Variants in SLC2A13 observed in about 807,000 individuals in gnomAD.
The protein encoded by SLC2A13 is solute carrier family 2 member 13.
SLC2A13 carries 32 observed loss-of-function variants against 64.4 expected under a neutral mutation model. The ratio of observed to expected loss-of-function variants is 0.50; its 90% CI spans 0.37 to 0.67. The LOEUF (loss-of-function observed/expected upper bound fraction) is 0.67, where lower values mean the gene tolerates loss of function less well. Ranked by LOEUF, SLC2A13 falls within the 30% of genes least tolerant of loss-of-function variation. SLC2A13 has a pLI of 0.00. For synonymous variants in SLC2A13, 338 were observed against 327.1 expected, an observed-to-expected ratio of 1.03 and a Z score of -0.36; for missense variants, 743 against 829.2, an observed-to-expected ratio of 0.90 and a Z score of 1.28.
At chr12:39,845,458 A>C (rs2135883255) in intron 6 of SLC2A13, among the ~76,000 whole-genome samples, 1 of 152,302 alleles carries the variant, frequency 6.6e-6, no homozygotes, top group South Asian at 2.1e-4. Context: ...AATCAAAGGA[A>C]GAAACACATT....
At chr12:39,876,546 A>G (rs996230716) in intron 4 of SLC2A13, among the ~76,000 whole-genome samples, 43 of 152,202 alleles carry the variant, frequency 2.8e-4, no homozygotes, top group African/African-American at 9.9e-4. Flanking sequence ...ATTAAAAAAC[A>G]CCTGATAGAC....
Position 39,821,134 on chromosome 12 carries a change from T to G in SLC2A13, c.1445+8969A>C, listed in dbSNP as rs575939041. On this transcript the variant is annotated intron_variant, in intron 7 of 9. Transcript: ENST00000280871. The stretch of plus-strand genomic sequence containing the variant: ...AGTTCCTTTTATAACTCAAAAAAAA[T>G]TTTTCGCAGTGGCTCACGCCTGTAA... Among the ~76,000 whole-genome samples, 6 of 152,144 alleles carry G rather than the reference T, an allele frequency of 3.9e-5. No homozygotes were observed. In the East Asian group the frequency reaches 1.2e-3, roughly 29 times the overall value.
At chr12:39,786,892 C>A (rs1297465699) in intron 7 of SLC2A13, among the ~76,000 whole-genome samples, 1 of 152,174 alleles carries the variant, frequency 6.6e-6, no homozygotes, top group Non-Finnish European at 1.5e-5. Flanking sequence ...AGTTCTTTGT[C>A]CACTTACCTT....
intron 3 of SLC2A13, among the ~76,000 whole-genome samples, chr12:40,022,898 A>G (rs893332281): frequency 9.9e-5 from 15 of 152,140 alleles, no homozygotes; most frequent in East Asian, 9.6e-4. Flanking sequence ...CCCCCCCCAA[A>G]AAAAGCCATT....
chr12:39,922,454 A>T (rs1362531531), intron 4 of SLC2A13, among the ~76,000 whole-genome samples: 3 of 152,218 alleles, frequency 2.0e-5, no homozygotes, highest in Non-Finnish European at 4.4e-5. Context: ...ATAAGGCACC[A>T]GTTTAAGAAC....
At chr12:39,960,594 G>A (rs1220492101) in intron 3 of SLC2A13, among the ~76,000 whole-genome samples, 1 of 152,084 alleles carries the variant, frequency 6.6e-6, no homozygotes, top group Non-Finnish European at 1.5e-5. Flanking sequence ...TGGCCAGGCT[G>A]GTCTCGAACT....
chr12:39,876,112 C>G (rs960121256), intron 4 of SLC2A13, among the ~76,000 whole-genome samples: 1 of 152,196 alleles, frequency 6.6e-6, no homozygotes, highest in Non-Finnish European at 1.5e-5. Flanking sequence ...CTTTGGTCAT[C>G]TCACACATAC....
Position 39,883,202 on chromosome 12 carries a change from G to A in SLC2A13, c.1035-11241C>T, listed in dbSNP as rs1227242871. On this transcript the variant is annotated intron_variant, in intron 4 of 9. Coordinates refer to ENST00000280871, the MANE Select transcript of SLC2A13 (RefSeq NM_052885.4). ...TAAGAAAGCATTCAAACAATCCAAA[G>A]GATTAAAGAAATTTTTTTTAAAAAA... 3.3e-5 allele frequency among the ~76,000 whole-genome samples: 5 copies of A among 152,084 alleles called. No individual in the cohort carries two copies. In the East Asian group the frequency reaches 5.8e-4, roughly 18 times the overall value.
intron 1 of SLC2A13, among the ~76,000 whole-genome samples, chr12:40,082,067 G>A (rs1024971407): frequency 1.3e-5 from 2 of 152,112 alleles, no homozygotes; most frequent in Non-Finnish European, 2.9e-5. Flanking sequence ...AAGGGGCTGA[G>A]GTGTTCCCAG....
At chr12:39,793,771 C>A (rs1941482906) in intron 7 of SLC2A13, among the ~76,000 whole-genome samples, 1 of 152,120 alleles carries the variant, frequency 6.6e-6, no homozygotes, top group South Asian at 2.1e-4. Flanking sequence ...AGGAATCCCT[C>A]CCATGAAATG....
intron 1 of SLC2A13, among the ~76,000 whole-genome samples, chr12:40,081,856 C>A (rs185869124): frequency 6.6e-6 from 1 of 152,142 alleles, no homozygotes; most frequent in Admixed American, 6.5e-5. Context: ...GGGCTTTTTG[C>A]TTTTTATATT....
chr12:40,011,464 A>G (rs192351266), intron 3 of SLC2A13, among the ~76,000 whole-genome samples: 1 of 152,308 alleles, frequency 6.6e-6, no homozygotes, highest in East Asian at 1.9e-4. Context: ...TCTTAGATCT[A>G]TCAAGAATCT....
chr12:40,005,140 G>T (rs1947394342), intron 3 of SLC2A13, among the ~76,000 whole-genome samples: 1 of 152,270 alleles, frequency 6.6e-6, no homozygotes, highest in African/African-American at 2.4e-5. Flanking sequence ...ATTAGCAAGA[G>T]AAATTAGGGG....
At chr12:39,971,880 C>G (rs2136130757) in intron 3 of SLC2A13, among the ~76,000 whole-genome samples, 1 of 149,278 alleles carries the variant, frequency 6.7e-6, no homozygotes, top group South Asian at 2.1e-4. Context: ...GAGGCTGAGG[C>G]AAAAGAATCG....
In SLC2A13 at chr12:39,820,717, TTATATATATATATATATATATATATA is replaced by T. The variant is rs11272834; in HGVS notation, c.1445+9360_1445+9385del. Among the ~76,000 whole-genome samples, 168 of 132,712 alleles carry T rather than the reference TTATATATATATATATATATATATATA, an allele frequency of 1.3e-3. 4 individuals carry two copies. Among genetic ancestry groups the T allele is most frequent in the East Asian group, 4.1e-3 (19 of 4,686 alleles). 87.1% of individuals were successfully genotyped at this position (132,712 alleles called of 152,430 possible). A position where few individuals can be genotyped will look rare whatever the true frequency, so the allele number is the denominator to read the frequency against. On this transcript the variant is annotated intron_variant, in intron 7 of 9. Coordinates refer to ENST00000280871, the MANE Select transcript of SLC2A13 (RefSeq NM_052885.4). ...TAATCTTCGGCTTAAATTTTTAAATTTATATATATATATATATATATATATATATATATATATATATATATATATAT... is the reference window on the plus strand; with the variant it reads ...TAATCTTCGGCTTAAATTTTTAAATTTATATATATATATATATATATATAT...
rs1283819470 is a variant in SLC2A13, at chr12:39,807,983, A to C, written c.1445+22120T>G. ...AATCCAGTACTTTAATCATCTATTCATGTATAATATACAAAATATAAAGTG... is the reference window on the plus strand; with the variant it reads ...AATCCAGTACTTTAATCATCTATTCCTGTATAATATACAAAATATAAAGTG... On this transcript the variant is annotated intron_variant, in intron 7 of 9. Transcript: ENST00000280871. Among the ~76,000 whole-genome samples the C allele has an allele frequency of 3.3e-5, 5 of 152,288 alleles. No homozygotes were observed. In the South Asian group the frequency reaches 1.0e-3, roughly 32 times the overall value.
At chr12:39,797,757 C>CAG (rs1278861526) in intron 7 of SLC2A13, among the ~76,000 whole-genome samples, 2 of 152,048 alleles carry the variant, frequency 1.3e-5, no homozygotes, top group African/African-American at 2.4e-5. Context: ...CACACACACA[C>CAG]ACACACACAC....
intron 3 of SLC2A13, among the ~76,000 whole-genome samples, chr12:39,998,796 T>C (rs1947276074): frequency 6.6e-6 from 1 of 152,104 alleles, no homozygotes; most frequent in Admixed American, 6.5e-5. Flanking sequence ...GGTTGTGAAA[T>C]GTGAGGATAT....
At chr12:39,814,810 T>A (rs1360281355) in intron 7 of SLC2A13, among the ~76,000 whole-genome samples, 1 of 152,226 alleles carries the variant, frequency 6.6e-6, no homozygotes, top group Non-Finnish European at 1.5e-5. Context: ...TTATCACAAT[T>A]ATGCATATGT....
Sources: gnomAD v4.1 joint callset for allele counts (sites outside exome capture counted in the v4.1 genomes callset) on GRCh38, gnomAD v4.1.1 for gene constraint, MANE v1.5 for transcripts, NCBI Gene and HGNC (gene_info 2026-07-23, HGNC 2026-07-21) for gene names.